ARHGAP26: variants seen among roughly 807,000 people sequenced by gnomAD.
ARHGAP26 encodes rho GTPase-activating protein 26.
In ARHGAP26, 38 loss-of-function variants were observed where a neutral mutation model predicts 104.8. That is an observed-to-expected ratio of 0.36 (90% CI 0.28 to 0.48). The LOEUF (loss-of-function observed/expected upper bound fraction) is 0.48, where lower values mean the gene tolerates loss of function less well. Ranked by LOEUF, ARHGAP26 falls within the 20% of genes least tolerant of loss-of-function variation. The pLI, the probability that ARHGAP26 is intolerant of heterozygous loss-of-function variation, is 0.99. For synonymous variants in ARHGAP26, 341 were observed against 340.0 expected (o/e 1.00, Z -0.03); for missense variants, 704 against 947.9 (o/e 0.74, Z 3.38).
At chr5:143,136,716 C>G (rs1003226404) in intron 19 of ARHGAP26, among the ~76,000 whole-genome samples, 1 of 152,134 alleles carries the variant, frequency 6.6e-6, no homozygotes, top group Non-Finnish European at 1.5e-5. Flanking sequence ...ATCCAGCCAC[C>G]CGTCACTGTC....
At chr5:143,068,963 C>G (rs1208504204) in intron 17 of ARHGAP26, among the ~76,000 whole-genome samples, 1 of 152,158 alleles carries the variant, frequency 6.6e-6, no homozygotes, top group African/African-American at 2.4e-5. Flanking sequence ...CCTTGATAAG[C>G]TTTCTTCACT....
intron 17 of ARHGAP26, among the ~76,000 whole-genome samples, chr5:143,106,457 T>G (rs74292672): frequency 0.085 from 12,280 of 143,744 alleles, 776 homozygotes; most frequent in East Asian, 0.21. Flanking sequence ...TGGAATACAA[T>G]GCATTGGGCT....
intron 22 of ARHGAP26, among the ~76,000 whole-genome samples, chr5:143,215,175 C>T (rs993172056): frequency 2.0e-5 from 3 of 152,252 alleles, no homozygotes; most frequent in African/African-American, 7.2e-5. Flanking sequence ...TTCTGCCCCC[C>T]TGCTTTGTCA....
At chr5:143,137,529 A>C (rs780669521) in intron 19 of ARHGAP26, among the ~76,000 whole-genome samples, 1 of 152,216 alleles carries the variant, frequency 6.6e-6, no homozygotes, top group Non-Finnish European at 1.5e-5. Flanking sequence ...ACATGCACCC[A>C]TAGGCACATG....
intron 17 of ARHGAP26, among the ~76,000 whole-genome samples, chr5:143,114,967 G>A (rs942873547): frequency 6.6e-6 from 1 of 152,152 alleles, no homozygotes; most frequent in African/African-American, 2.4e-5. Flanking sequence ...AGTGAGTTTG[G>A]TGGCTTTGCT....
intron 17 of ARHGAP26, among the ~76,000 whole-genome samples, chr5:143,065,799 C>G (rs538486789): frequency 1.3e-5 from 2 of 152,138 alleles, no homozygotes; most frequent in Non-Finnish European, 2.9e-5. Context: ...CATTCACACA[C>G]GGATACGCTG....
At chr5:143,079,160 T>C (rs1789453896) in intron 17 of ARHGAP26, among the ~76,000 whole-genome samples, 1 of 152,248 alleles carries the variant, frequency 6.6e-6, no homozygotes, top group East Asian at 1.9e-4. Context: ...AGCTTTGTCA[T>C]GTCTGAGTGC....
chr5:142,907,800 A>G lies in ARHGAP26; in HGVS notation c.929A>G (p.Lys310Arg). ...MVPFDQKSGG[K>R]GGEDESVILK... The stretch of plus-strand genomic sequence containing the variant: ...CCATTTGACCAAAAGTCAGGAGGAA[A>G]AGGGGTGAGTTCATTTTTAAAATTT... Residue 310 changes from lysine (K) to arginine (R), a missense_variant, in exon 9 of 23, where the codon AAA becomes AGA. This residue lies in a region of ARHGAP26 where 287 missense variants were observed against 438.8 expected (regional missense o/e 0.65). Coordinates refer to ENST00000645722, the MANE Select transcript of ARHGAP26 (RefSeq NM_001135608.3). The G allele has an allele frequency of 1.2e-6, 2 of 1,605,782 alleles. No individual in the cohort carries two copies. Among genetic ancestry groups the G allele is most frequent in the Non-Finnish European group, 1.7e-6 (2 of 1,174,130 alleles).
At chr5:142,815,634 A>G (rs904199405) in intron 1 of ARHGAP26, among the ~76,000 whole-genome samples, 1 of 152,138 alleles carries the variant, frequency 6.6e-6, no homozygotes, top group Admixed American at 6.6e-5. Context: ...GCAGTCTCCA[A>G]CCACACTGGC....
At chr5:143,120,551 T>C (rs1474583625) in intron 17 of ARHGAP26, among the ~76,000 whole-genome samples, 1 of 152,216 alleles carries the variant, frequency 6.6e-6, no homozygotes, top group African/African-American at 2.4e-5. Context: ...TTAATGCTTA[T>C]GTTTGCAAAT....
At chr5:142,874,907 G>A in intron 2 of ARHGAP26, 1 of 558,898 alleles carries the variant, frequency 1.8e-6, no homozygotes, top group East Asian at 3.0e-5. Flanking sequence ...CCTAGCTAGA[G>A]TGCCAGGTGG....
chr5:143,147,486 C>T, intron 20 of ARHGAP26, 105 bp downstream of exon 20: 1 of 1,357,646 alleles, frequency 7.4e-7, no homozygotes, highest in Non-Finnish European at 1.0e-6. Flanking sequence ...ATCCCCTGAA[C>T]ATTATTTAAA....
chr5:143,158,215 G>T (rs1800745346), intron 20 of ARHGAP26, among the ~76,000 whole-genome samples: 1 of 152,068 alleles, frequency 6.6e-6, no homozygotes, highest in African/African-American at 2.4e-5. Context: ...TTATTTGTTT[G>T]ATCCTGATGT....
intron 20 of ARHGAP26, among the ~76,000 whole-genome samples, chr5:143,197,943 A>C (rs1807120206): frequency 1.3e-5 from 2 of 152,234 alleles, no homozygotes; most frequent in African/African-American, 4.8e-5. Context: ...AGTATAAATA[A>C]AAAAGTGAAT....
At chr5:143,002,719 A>T (rs951783404) in intron 11 of ARHGAP26, among the ~76,000 whole-genome samples, 1 of 152,126 alleles carries the variant, frequency 6.6e-6, no homozygotes, top group Non-Finnish European at 1.5e-5. Context: ...TGACTTGTAC[A>T]TTACTTAGAT....
At chr5:143,041,958 T>A in intron 14 of ARHGAP26, 68 bp downstream of exon 14, 1 of 1,356,852 alleles carries the variant, frequency 7.4e-7, no homozygotes, top group Non-Finnish European at 1.0e-6. Context: ...AGTCACCAGG[T>A]CTGTGAGTAG....
intron 20 of ARHGAP26, among the ~76,000 whole-genome samples, chr5:143,181,115 G>A (rs1036472780): frequency 3.3e-5 from 5 of 152,160 alleles, no homozygotes; most frequent in African/African-American, 1.2e-4. Flanking sequence ...TTGGCCATCT[G>A]GCCTTCCTGA....
At chr5:143,062,661 T>TA (rs895216534) in intron 17 of ARHGAP26, among the ~76,000 whole-genome samples, 5 of 151,884 alleles carry the variant, frequency 3.3e-5, no homozygotes, top group South Asian at 4.2e-4. Context: ...CTTGTGGTTA[T>TA]AAAAAAAAGT....
chr5:142,896,128 C>T (rs1759448766), intron 6 of ARHGAP26, among the ~76,000 whole-genome samples: 1 of 152,174 alleles, frequency 6.6e-6, no homozygotes, highest in Non-Finnish European at 1.5e-5. Context: ...CACAAACTGG[C>T]CTTTCAAGCA....
Sources: gnomAD v4.1 joint callset for allele counts (sites outside exome capture counted in the v4.1 genomes callset) on GRCh38, gnomAD v4.1.1 for gene constraint, gnomAD v4.1.1 regional missense constraint, MANE v1.5 for transcripts, NCBI Gene and HGNC (gene_info 2026-07-23, HGNC 2026-07-21) for gene names.